The following THSD7A variants were observed in gnomAD, a reference collection of about 807,000 sequenced individuals.
The protein encoded by THSD7A is thrombospondin type 1 domain containing 7A, also known as thrombospondin type-1 domain-containing protein 7A.
A neutral mutation model predicts 231.3 loss-of-function variants in THSD7A; 96 were observed. That is an observed-to-expected ratio of 0.41 (90% CI 0.35 to 0.49). The LOEUF is 0.49. Ranked by LOEUF, THSD7A falls within the 20% of genes least tolerant of loss-of-function variation. The pLI is 0.05. For missense variants in THSD7A, 2,290 were observed against 2,070.2 expected, an observed-to-expected ratio of 1.11 and a Z score of -2.06; for synonymous variants, 940 against 743.3, an observed-to-expected ratio of 1.26 and a Z score of -4.30.
intron 1 of THSD7A, among the ~76,000 whole-genome samples, chr7:11,691,508 T>C (rs1269608045): frequency 6.6e-6 from 1 of 151,418 alleles, no homozygotes; most frequent in Non-Finnish European, 1.5e-5. Flanking sequence ...ATACTTGCCT[T>C]GGAAATTCTT....
chr7:11,781,284 C>A (rs558835663), intron 1 of THSD7A, among the ~76,000 whole-genome samples: 2 of 149,278 alleles, frequency 1.3e-5, no homozygotes, highest in South Asian at 4.2e-4. Flanking sequence ...TGTCTCTGCA[C>A]ATTTTTTTTT....
chr7:11,800,527 C>T (rs1299234734), intron 1 of THSD7A, among the ~76,000 whole-genome samples: 1 of 151,688 alleles, frequency 6.6e-6, no homozygotes, highest in Non-Finnish European at 1.5e-5. Flanking sequence ...CTAGCCTGGG[C>T]AACAAGAACG....
At chr7:11,769,134 TATATATATATATATATA>T (rs1783129974) in intron 1 of THSD7A, among the ~76,000 whole-genome samples, 1 of 45,972 alleles carries the variant, frequency 2.2e-5, no homozygotes, top group Non-Finnish European at 4.8e-5. Flanking sequence ...TATATATATA[TATATATATATATATATA>T]TATTTTTTTT....
chr7:11,762,978 G>C (rs1782914226), intron 1 of THSD7A, among the ~76,000 whole-genome samples: 1 of 151,910 alleles, frequency 6.6e-6, no homozygotes, highest in South Asian at 2.1e-4. Flanking sequence ...ACCAATAAAA[G>C]AGCCCCAATA....
rs540291875 is a variant in THSD7A at position 11,810,110 on chromosome 7, T to G, written c.190+21647A>C. Among the ~76,000 whole-genome samples the G allele has an allele frequency of 4.6e-5, 7 of 152,220 alleles. No homozygotes were observed. In the East Asian group the frequency reaches 1.4e-3, roughly 29 times the overall value. On this transcript the variant is annotated intron_variant, in intron 1 of 27. Transcript: ENST00000423059. ...AAATCAAGACCAGGTAGAAACTAGCTCTTAGCATACAGCTGGCAGATTTAG... is the reference window on the plus strand; with the variant it reads ...AAATCAAGACCAGGTAGAAACTAGCGCTTAGCATACAGCTGGCAGATTTAG...
In THSD7A at chr7:11,543,135, C is replaced by A; in HGVS notation, c.1454-18G>T. The A allele has an allele frequency of 6.3e-7, 1 of 1,596,614 alleles. No homozygotes were observed. The highest frequency in any genetic ancestry group is 1.7e-5 in the Admixed American group (1 of 57,316). The stretch of plus-strand genomic sequence containing the variant: ...CTTTGAGGCTAGAGAAAAATACAGA[C>A]ACATATTAAAAAATGAACAAAAGGA... On this transcript the variant is annotated intron_variant, in intron 4 of 27. Transcript: ENST00000423059.
intron 7 of THSD7A, among the ~76,000 whole-genome samples, chr7:11,479,345 G>A (rs886355): frequency 0.66 from 100,477 of 152,064 alleles, 33,358 homozygotes; most frequent in South Asian, 0.76. Flanking sequence ...TCTACTTTTC[G>A]CATGGACTTG....
intron 9 of THSD7A, 71 bp from the exon 10 acceptor site, chr7:11,462,214 G>A (rs1174533290): frequency 6.6e-7 from 1 of 1,516,450 alleles, no homozygotes; most frequent in African/African-American, 1.4e-5. Context: ...CAGTCTGTGT[G>A]AAGAAATTAC....
chr7:11,446,468 T>A lies in THSD7A; in HGVS notation c.2801-144A>T. ...TAGCCTATAAATCAATGCTATTTTC[T>A]CATTCCACAGTGTTTTCTACATAGG... is the stretch of plus-strand genomic sequence containing the variant. On this transcript the variant is annotated intron_variant, in intron 12 of 27. Coordinates refer to ENST00000423059, the MANE Select transcript of THSD7A (RefSeq NM_015204.3). This position sits in a 1 kb window ranked among gnomAD's most constrained non-coding sequence, Gnocchi z 4.0. 3.0e-6 allele frequency: 3 copies of A among 991,928 alleles called. No individual in the cohort carries two copies. Among genetic ancestry groups the A allele is most frequent in the Non-Finnish European group, 4.4e-6 (3 of 675,696 alleles). 61.4% of individuals were successfully genotyped at this position (991,928 alleles called of 1,614,324 possible). A position where few individuals can be genotyped will look rare whatever the true frequency, so the allele number is the denominator to read the frequency against.
At chr7:11,752,194 G>A (rs1027015918) in intron 1 of THSD7A, among the ~76,000 whole-genome samples, 1 of 152,058 alleles carries the variant, frequency 6.6e-6, no homozygotes, top group Admixed American at 6.6e-5. Flanking sequence ...TTCTCAGGAG[G>A]CTGTTTTCAA....
intron 1 of THSD7A, among the ~76,000 whole-genome samples, chr7:11,660,147 A>G (rs1782873539): frequency 6.6e-6 from 1 of 151,610 alleles, no homozygotes; most frequent in East Asian, 1.9e-4. Context: ...AATTTCTCCT[A>G]GAAAAATTTA....
chr7:11,464,686 T>C (rs1405493218), intron 9 of THSD7A, among the ~76,000 whole-genome samples: 1 of 152,138 alleles, frequency 6.6e-6, no homozygotes, highest in African/African-American at 2.4e-5. Flanking sequence ...TTTATTCTTA[T>C]GAAAAGTTCA....
At chr7:11,376,536 A>T (rs1367625530) in intron 27 of THSD7A, 34 bp downstream of exon 27, 10 of 1,475,854 alleles carry the variant, frequency 6.8e-6, no homozygotes, top group Non-Finnish European at 7.4e-6. Flanking sequence ...ACGATTAAGT[A>T]TCTCTTTGGA....
rs76210114 is a variant in THSD7A, at chr7:11,617,168, T to C, written c.1022+18962A>G. 4.1e-3 allele frequency among the ~76,000 whole-genome samples: 631 copies of C among 152,308 alleles called. 7 individuals carry two copies. The highest frequency in any genetic ancestry group is 0.014 in the African/African-American group (595 of 41,568). The stretch of plus-strand genomic sequence containing the variant: ...CCATAGTACTTTGGCCCCTCTTGAA[T>C]TGTTTTACCGGAACTATTATATAAG... On this transcript the variant is annotated intron_variant, in intron 2 of 27. Transcript: ENST00000423059.
intron 23 of THSD7A, among the ~76,000 whole-genome samples, chr7:11,392,286 C>T (rs893897517): frequency 2.0e-5 from 3 of 151,838 alleles, no homozygotes; most frequent in Admixed American, 6.6e-5. Flanking sequence ...CTGGGAAGTG[C>T]GAGGGGTTGG....
rs575876452 is a variant in THSD7A, at chr7:11,528,159, C to A, written c.1822+13260G>T. 2.0e-5 allele frequency among the ~76,000 whole-genome samples: 3 copies of A among 152,092 alleles called. No individual in the cohort carries two copies. The South Asian group carries it at 6.2e-4, about 32-fold the overall frequency. On this transcript the variant is annotated intron_variant, in intron 6 of 27. Coordinates refer to ENST00000423059, the MANE Select transcript of THSD7A (RefSeq NM_015204.3). ...CTCCAGCCTGGGTGACAGAGTGAGA[C>A]CCATTCTCTAAAATAAAATAAAATG...
At chr7:11,593,620 A>T (rs1164123330) in intron 2 of THSD7A, 118 bp from the exon 3 acceptor site, 11 of 1,255,198 alleles carry the variant, frequency 8.8e-6, no homozygotes, top group South Asian at 1.5e-5. Context: ...GTGTGATTCC[A>T]GTTTCATCGA....
chr7:11,650,041 G>A (rs574805758), intron 1 of THSD7A, among the ~76,000 whole-genome samples: 1 of 152,178 alleles, frequency 6.6e-6, no homozygotes, highest in Admixed American at 6.5e-5. Flanking sequence ...AAAGCAAACA[G>A]CTTTTGATAT....
chr7:11,708,473 A>C (rs1296396624), intron 1 of THSD7A, among the ~76,000 whole-genome samples: 2 of 150,768 alleles, frequency 1.3e-5, no homozygotes, highest in Non-Finnish European at 3.0e-5. Context: ...ACTTCTAATA[A>C]AATGAATAGA....
Sources: allele counts gnomAD v4.1 joint callset (sites outside exome capture counted in the v4.1 genomes callset), GRCh38; gene constraint gnomAD v4.1.1; non-coding constraint Gnocchi (gnomAD v3.1); transcripts MANE v1.5; gene names NCBI Gene and HGNC (gene_info 2026-07-23, HGNC 2026-07-21).